Variants in TAP2 observed in about 807,000 individuals in gnomAD.
TAP2 encodes the protein transporter 2, ATP binding cassette subfamily B member.
In TAP2, 49 loss-of-function variants were observed where a neutral mutation model predicts 74.7. The observed-to-expected ratio is 0.66, with a 90% CI of 0.52 to 0.83. The LOEUF is 0.83. TAP2 is among the 40% of genes least tolerant of loss of function. The pLI, the probability that TAP2 is intolerant of heterozygous loss-of-function variation, is 0.00. For synonymous variants in TAP2, 306 were observed against 368.4 expected (o/e 0.83, Z 1.94); for missense variants, 739 against 859.0 (o/e 0.86, Z 1.75).
chr6:32,823,857 C>T (rs1768468824), downstream of TAP2, among the ~76,000 whole-genome samples: 1 of 151,894 alleles, frequency 6.6e-6, no homozygotes, highest in South Asian at 2.1e-4. Context: ...TTCAAGGTTG[C>T]TTTGATAAGT....
chr6:32,827,787 T>C lies in TAP2; in HGVS notation c.*1119A>G. ...AGGGCTTGAGAGCACCTGAAGGAAT[T>C]TCCAGAAATGCCATCATCGTATGTG... On this transcript the variant is annotated 3_prime_UTR_variant, in exon 12 of 12. Transcript: ENST00000374897. 1.5e-5 allele frequency: 14 copies of C among 915,508 alleles called. 3 individuals are homozygous for C. The highest frequency in any genetic ancestry group is 1.5e-5 in the Non-Finnish European group (12 of 776,246). The allele number at this position is 915,508 out of a possible 1,614,324, so 56.7% of individuals were successfully genotyped here. A position where few individuals can be genotyped will look rare whatever the true frequency, so the allele number is the denominator to read the frequency against.
chr6:32,830,900 T>C (rs1051213584), intron 7 of TAP2, 94 bp from the exon 8 acceptor site: 14 of 1,066,210 alleles, frequency 1.3e-5, no homozygotes, highest in Non-Finnish European at 1.8e-5. Flanking sequence ...ACAACTGCAC[T>C]GCTCCTCCTC....
chr6:32,833,686 G>C (rs1769234820), intron 5 of TAP2, among the ~76,000 whole-genome samples: 2 of 152,140 alleles, frequency 1.3e-5, no homozygotes, highest in Admixed American at 1.3e-4. Flanking sequence ...ATGCACTGCT[G>C]GTGGGAATTT....
rs549370910 is a variant in TAP2 at position 32,837,100 on chromosome 6, G to A, written c.608+437C>T. Among the ~76,000 whole-genome samples the A allele has an allele frequency of 1.4e-3, 208 of 152,300 alleles. 1 individual carries two copies. Among genetic ancestry groups the A allele is most frequent in the African/African-American group, 4.6e-3 (193 of 41,548 alleles). On this transcript the variant is annotated intron_variant, in intron 3 of 11. Coordinates refer to ENST00000374897, the MANE Select transcript of TAP2 (RefSeq NM_001290043.2). ...TAAGCCTCAGAGTAAGATCTTCAGG[G>A]ACTGGCAAGATGAGCTGGGAAAGAA...
In TAP2 at chr6:32,832,807, G is replaced by C. The variant is rs776016651; in HGVS notation, c.963C>G (p.Ile321Met). The C allele has an allele frequency of 1.2e-6, 2 of 1,612,648 alleles. No homozygotes were observed. Among genetic ancestry groups the C allele is most frequent in the Non-Finnish European group, 1.7e-6 (2 of 1,180,036 alleles). Reference sequence around the variant, plus strand: ...GCCCCGCCCTGGCCACTGCATCCTGGATCTCCCGAAGCACTTCCTGGAAAA... The same window carrying C: ...GCCCCGCCCTGGCCACTGCATCCTGCATCTCCCGAAGCACTTCCTGGAAAA... ...NTRHQEVLREIQDAVARAGQV... is the reference protein window; with the variant it reads ...NTRHQEVLREMQDAVARAGQV... The change falls in exon 6 of 12, where the codon ATC becomes ATG. Residue 321 changes from isoleucine (I) to methionine (M), a missense_variant. Coordinates refer to ENST00000374897, the MANE Select transcript of TAP2 (RefSeq NM_001290043.2). The surrounding 1 kb of genome is among the most constrained non-coding windows in gnomAD (Gnocchi z 5.9).
Position 32,835,720 on chromosome 6 carries a change from A to G in TAP2, c.662T>C (p.Ile221Thr). Residue 221 changes from isoleucine to threonine, a missense_variant, in exon 4 of 12, where the codon ATC becomes ACC. Ile to Thr is a moderately conservative substitution (Grantham distance 89, BLOSUM62 -1). Transcript: ENST00000374897. This position sits in a 1 kb window ranked among gnomAD's most constrained non-coding sequence, Gnocchi z 4.0. Reference protein sequence around the residue: ...GGCFTYTMSRINLRIREQLFS... With the variant: ...GGCFTYTMSRTNLRIREQLFS... Reference sequence around the variant, plus strand: ...AAGCTGCTCCCGGATCCGCAAGTTGATTCGAGACATGGTGTAGGTGAAGCA... The same window carrying G: ...AAGCTGCTCCCGGATCCGCAAGTTGGTTCGAGACATGGTGTAGGTGAAGCA... The G allele has an allele frequency of 3.7e-6, 6 of 1,613,062 alleles. No individual in the cohort carries two copies. The highest frequency in any genetic ancestry group is 5.1e-6 in the Non-Finnish European group (6 of 1,180,006).
At chr6:32,822,230 C>T, downstream of TAP2, 1 of 1,346,792 alleles carries the variant, frequency 7.4e-7, no homozygotes, top group Non-Finnish European at 1.0e-6. Flanking sequence ...GTTGGTGATG[C>T]TTTGTTCCAC....
rs1056369356 is a variant in TAP2 at position 32,830,365 on chromosome 6, C to T, written c.1537G>A (p.Ala513Thr). Residue 513 changes from alanine to threonine, a missense_variant, in exon 9 of 12, where the codon GCT becomes ACT. Transcript: ENST00000374897. Reference protein sequence around the residue: ...GPNGSGKSTVAALLQNLYQPT... With the variant: ...GPNGSGKSTVTALLQNLYQPT... ...TGGTACAGATTCTGCAGCAGGGCAG[C>T]CACTGTGCTCTTCCCAGACCCATTG... 5 of 1,612,994 alleles carry T rather than the reference C, an allele frequency of 3.1e-6. No individual in the cohort carries two copies. Among genetic ancestry groups the T allele is most frequent in the Non-Finnish European group, 4.2e-6 (5 of 1,180,042 alleles).
chr6:32,831,824 C>T (rs1391004036), intron 7 of TAP2, among the ~76,000 whole-genome samples: 7 of 152,154 alleles, frequency 4.6e-5, no homozygotes, highest in Admixed American at 3.9e-4. Flanking sequence ...AATATGTGGA[C>T]CATTTCTGGA....
rs1278278715 is a variant in TAP2 at position 32,830,708 on chromosome 6, G to A, written c.1371C>T (p.Gly457=). Reference sequence around the variant, plus strand: ...CCTGCAGAGTGGTGGGGGCAAGCGTGCCAGGTGAAGGCAGATTTGGCTGTC... The same window carrying A: ...CCTGCAGAGTGGTGGGGGCAAGCGTACCAGGTGAAGGCAGATTTGGCTGTC... ...MDRQPNLPSP[G]TLAPTTLQGV... The change falls in exon 8 of 12, where the codon GGC becomes GGT. Residue 457 remains glycine (G), a synonymous_variant. Transcript: ENST00000374897. 1.4e-5 allele frequency: 22 copies of A among 1,612,950 alleles called. No individual in the cohort carries two copies. Among genetic ancestry groups the A allele is most frequent in the Non-Finnish European group, 1.8e-5 (21 of 1,180,022 alleles).
rs1319278294 is a variant in TAP2 at position 32,835,210 on chromosome 6, G to T, written c.889C>A (p.Leu297Met). Residue 297 changes from leucine to methionine, a missense_variant, in exon 5 of 12, where the codon CTG (leucine) becomes ATG (methionine). Coordinates refer to ENST00000374897, the MANE Select transcript of TAP2 (RefSeq NM_001290043.2). This position sits in a 1 kb window ranked among gnomAD's most constrained non-coding sequence, Gnocchi z 4.0. ...SISPRLTLLS[L>M]LHMPFTIAAE... ...GCTATTGTGAAGGGCATGTGCAGCA[G>T]AGAAAGGAGGGTGAGTCGAGGCGAT... The T allele has an allele frequency of 6.2e-7, 1 of 1,612,946 alleles. No individual in the cohort carries two copies. Among genetic ancestry groups the T allele is most frequent in the Non-Finnish European group, 8.5e-7 (1 of 1,180,044 alleles).
At position 32,830,724 on chromosome 6, in the gene TAP2, T is replaced by A. The variant is rs1030234898; in HGVS notation, c.1355A>T (p.Asn452Ile). The A allele has an allele frequency of 1.2e-6, 2 of 1,612,950 alleles. No individual in the cohort carries two copies. Among genetic ancestry groups the A allele is most frequent in the African/African-American group, 2.7e-5 (2 of 74,922 alleles). The change falls in exon 8 of 12, where the codon AAT (asparagine) becomes ATT (isoleucine). Residue 452 changes from asparagine (N) to isoleucine (I), a missense_variant. Physicochemically the swap from Asn to Ile is moderately radical, Grantham distance 149. Coordinates refer to ENST00000374897, the MANE Select transcript of TAP2 (RefSeq NM_001290043.2). ...GGCAAGCGTGCCAGGTGAAGGCAGA[T>A]TTGGCTGTCGGTCCATGTAGGAGAA... is the stretch of plus-strand genomic sequence containing the variant. ...KVFSYMDRQP[N>I]LPSPGTLAPT...
rs920069947 is a variant in TAP2, at chr6:32,825,916, A to G, written c.*2990T>C. ...CCACATAGAATTATCTTGAAAAATA[A>G]GGTAAGAAGACAGGTTTCAGATACT... On this transcript the variant is annotated 3_prime_UTR_variant, in exon 12 of 12. Transcript: ENST00000374897. 4 of 854,562 alleles carry G rather than the reference A, an allele frequency of 4.7e-6. No homozygotes were observed. In the East Asian group the frequency reaches 4.9e-4, roughly 105 times the overall value. The allele number at this position is 854,562 out of a possible 1,614,324, so 52.9% of individuals were successfully genotyped here.
chr6:32,837,405 C>G, intron 3 of TAP2, 132 bp downstream of exon 3: 1 of 746,244 alleles, frequency 1.3e-6, no homozygotes, highest in Non-Finnish European at 2.4e-6. Context: ...AGAATGGTGA[C>G]TACATTCACC....
chr6:32,827,727 G>GTCTATGA lies in TAP2; in HGVS notation c.*1178_*1179insTCATAGA, dbSNP rs371164544. On this transcript the variant is annotated 3_prime_UTR_variant, in exon 12 of 12. Coordinates refer to ENST00000374897, the MANE Select transcript of TAP2 (RefSeq NM_001290043.2). The stretch of plus-strand genomic sequence containing the variant: ...CAGGAGAGGGTGAGACAGATGGGCT[G>GTCTATGA]GAACAGTGTGTGCTCTGAAAAGGAT... 6 of 922,518 alleles carry GTCTATGA rather than the reference G, an allele frequency of 6.5e-6. No homozygotes were observed. Among genetic ancestry groups the GTCTATGA allele is most frequent in the Non-Finnish European group, 5.1e-6 (4 of 779,740 alleles). The allele number at this position is 922,518 out of a possible 1,614,324, so 57.1% of individuals were successfully genotyped here.
Position 32,827,577 on chromosome 6 carries a change from C to T in TAP2, c.*1329G>A. 1 of 403,456 alleles carries T rather than the reference C, an allele frequency of 2.5e-6. No individual in the cohort carries two copies. Among genetic ancestry groups the T allele is most frequent in the Non-Finnish European group, 3.3e-6 (1 of 298,960 alleles). 25.0% of individuals were successfully genotyped at this position (403,456 alleles called of 1,614,324 possible). On this transcript the variant is annotated 3_prime_UTR_variant, in exon 12 of 12. Transcript: ENST00000374897. ...AGTAAGGCCTCCTGGAAGACCTGAA[C>T]CCTGAGTTAAGTCTTGAACTTGAAA... is the stretch of plus-strand genomic sequence containing the variant.
At chr6:32,829,813 G>A (rs960346245) in intron 10 of TAP2, 117 bp downstream of exon 10, 2 of 1,388,676 alleles carry the variant, frequency 1.4e-6, no homozygotes. Flanking sequence ...TAGGAATGGA[G>A]GAAAGGGCAG....
At chr6:32,823,698 T>C (rs1424645391), downstream of TAP2, among the ~76,000 whole-genome samples, 1 of 152,166 alleles carries the variant, frequency 6.6e-6, no homozygotes, top group Non-Finnish European at 1.5e-5. Context: ...TTTATAATTA[T>C]TCATACAGCA....
At chr6:32,823,784 C>T (rs1485679565), downstream of TAP2, among the ~76,000 whole-genome samples, 1 of 151,822 alleles carries the variant, frequency 6.6e-6, no homozygotes, top group African/African-American at 2.4e-5. Flanking sequence ...AAAAATCTTT[C>T]ACTATGTCTT....
Sources: gnomAD v4.1 joint callset for allele counts (sites outside exome capture counted in the v4.1 genomes callset) on GRCh38, gnomAD v4.1.1 for gene constraint, Gnocchi (gnomAD v3.1) non-coding constraint, MANE v1.5 for transcripts, NCBI Gene and HGNC (gene_info 2026-07-23, HGNC 2026-07-21) for gene names.